The following GTF3C3 variants were observed in gnomAD, a reference collection of about 807,000 sequenced individuals.
GTF3C3 encodes general transcription factor IIIC subunit 3.
A neutral mutation model predicts 105.2 loss-of-function variants in GTF3C3; 75 were observed. The observed-to-expected ratio is 0.71, with a 90% confidence interval of 0.59 to 0.86. The LOEUF (loss-of-function observed/expected upper bound fraction) is 0.86. GTF3C3 is among the 40% of genes least tolerant of loss of function. GTF3C3 has a pLI of 0.00. For synonymous variants in GTF3C3, 335 were observed against 370.4 expected (o/e 0.90, Z 1.10); for missense variants, 856 against 1,076.5 (o/e 0.80, Z 2.87).
Position 196,773,026 on chromosome 2 carries a change from C to T in GTF3C3, c.1959G>A (p.Leu653=), listed in dbSNP as rs1331485558. 6.2e-7 allele frequency: 1 copy of T among 1,611,732 alleles called. No homozygotes were observed. Among genetic ancestry groups the T allele is most frequent in the Non-Finnish European group, 8.5e-7 (1 of 1,178,148 alleles). Residue 653 remains leucine (L), a synonymous_variant, in exon 14 of 18, where the codon TTG becomes TTA. Coordinates refer to ENST00000263956, the MANE Select transcript of GTF3C3 (RefSeq NM_012086.5). ...QEAELLVDSS[L]EYYSFYDDRQ... Reference sequence around the variant, plus strand: ...TGTCATCATAAAATGAGTAATATTCCAATGAGGAATCTACAAGCAACTCAG... The same window carrying T: ...TGTCATCATAAAATGAGTAATATTCTAATGAGGAATCTACAAGCAACTCAG...
intron 16 of GTF3C3, among the ~76,000 whole-genome samples, chr2:196,769,329 T>C (rs1039231883): frequency 6.6e-6 from 1 of 152,208 alleles, no homozygotes; most frequent in African/African-American, 2.4e-5. Flanking sequence ...CTATACCATA[T>C]CATATTTTGG....
rs151048249 is a variant in GTF3C3, at chr2:196,764,557, G to T, written c.*6C>A. ...CTGCCATTGCTCTGTTCTCAGTTGC[G>T]GTGCTTTATATAGAACAATAGGTAT... On this transcript the variant is annotated 3_prime_UTR_variant, in exon 18 of 18. Transcript: ENST00000263956. 13 of 1,611,228 alleles carry T rather than the reference G, an allele frequency of 8.1e-6. No individual in the cohort carries two copies. The South Asian group carries it at 1.4e-4, about 18-fold the overall frequency.
chr2:196,779,396 T>C (rs952911082), intron 9 of GTF3C3, among the ~76,000 whole-genome samples: 4 of 152,176 alleles, frequency 2.6e-5, no homozygotes, highest in East Asian at 1.9e-4. Context: ...CCAAAGTCTA[T>C]AGCTCTCTTT....
chr2:196,787,621 T>G (rs532804768), intron 6 of GTF3C3, among the ~76,000 whole-genome samples: 1 of 152,310 alleles, frequency 6.6e-6, no homozygotes, highest in East Asian at 1.9e-4. Flanking sequence ...CAGTCTATCT[T>G]AAAATAACAC....
intron 6 of GTF3C3, among the ~76,000 whole-genome samples, chr2:196,788,390 G>A (rs972414022): frequency 2.0e-5 from 3 of 152,170 alleles, no homozygotes; most frequent in Non-Finnish European, 4.4e-5. Context: ...TTCCTACTTT[G>A]TTTTGCTGCG....
intron 17 of GTF3C3, among the ~76,000 whole-genome samples, chr2:196,765,850 A>C (rs540490269): frequency 3.9e-4 from 59 of 151,820 alleles, no homozygotes; most frequent in African/African-American, 9.9e-4. Context: ...CTCTACTAAA[A>C]ATACAAAAAA....
intron 1 of GTF3C3, 51 bp downstream of exon 1, chr2:196,799,459 G>A (rs1056670133): frequency 7.3e-7 from 1 of 1,361,922 alleles, no homozygotes; most frequent in African/African-American, 1.4e-5. Context: ...CCACACCTAA[G>A]GGTATGAAGG....
chr2:196,792,486 C>T (rs994585396), intron 3 of GTF3C3, among the ~76,000 whole-genome samples: 1 of 152,120 alleles, frequency 6.6e-6, no homozygotes, highest in African/African-American at 2.4e-5. Context: ...ATAGCAAAAG[C>T]GCAGTCCATT....
intron 14 of GTF3C3, 84 bp downstream of exon 14, chr2:196,772,832 C>T (rs1251880554): frequency 8.3e-6 from 6 of 720,324 alleles, no homozygotes; most frequent in Non-Finnish European, 1.2e-5. Context: ...AATGGGAGAG[C>T]CAAAAGTAAA....
Position 196,793,683 on chromosome 2 carries a change from AGT to A in GTF3C3, c.215-533_215-532del, listed in dbSNP as rs200014271. Among the ~76,000 whole-genome samples the A allele has an allele frequency of 1.2e-3, 190 of 152,016 alleles. 1 individual carries two copies. The highest frequency in any genetic ancestry group is 4.3e-3 in the African/African-American group (177 of 41,504). ...CTACTCTGAGGACAAAATGAGTGTGAGTGTGTGTGTGTATATATACACTTAGA... is the reference window on the plus strand; with the variant it reads ...CTACTCTGAGGACAAAATGAGTGTGAGTGTGTGTGTATATATACACTTAGA... On this transcript the variant is annotated intron_variant, in intron 2 of 17. Transcript: ENST00000263956.
chr2:196,781,355 AAAATATATATATATAT>A (rs1306553224), intron 8 of GTF3C3, among the ~76,000 whole-genome samples: 3 of 31,186 alleles, frequency 9.6e-5, no homozygotes, highest in Non-Finnish European at 2.2e-4. Context: ...AAAAAAAAAA[AAAATATATATATATAT>A]ATATATATAT....
chr2:196,770,122 T>G (rs1699146411), intron 15 of GTF3C3, 83 bp from the exon 16 acceptor site: 1 of 1,209,116 alleles, frequency 8.3e-7, no homozygotes, highest in Non-Finnish European at 1.1e-6. Context: ...CAAACATTAC[T>G]GATTTTAACA....
intron 8 of GTF3C3, among the ~76,000 whole-genome samples, chr2:196,784,222 G>A (rs910461329): frequency 6.6e-6 from 1 of 152,122 alleles, no homozygotes; most frequent in Non-Finnish European, 1.5e-5. Context: ...TCCTCACAGT[G>A]TAGGGGTTGA....
intron 2 of GTF3C3, among the ~76,000 whole-genome samples, chr2:196,797,323 G>T (rs1699664278): frequency 6.6e-6 from 1 of 152,204 alleles, no homozygotes; most frequent in African/African-American, 2.4e-5. Context: ...CTGGATGCTA[G>T]AATGAGGTAG....
intron 5 of GTF3C3, among the ~76,000 whole-genome samples, 161 bp downstream of exon 5, chr2:196,789,718 C>G (rs546472954): frequency 1.8e-4 from 28 of 152,218 alleles, no homozygotes; most frequent in African/African-American, 6.5e-4. Flanking sequence ...CCCTGATAAA[C>G]ATGAGAACAG....
intron 8 of GTF3C3, among the ~76,000 whole-genome samples, chr2:196,781,470 CAGA>C (rs927019864): frequency 6.9e-6 from 1 of 145,358 alleles, no homozygotes; most frequent in Non-Finnish European, 1.5e-5. Context: ...TAGGTTGGTG[CAGA>C]AGTAATTGTG....
intron 13 of GTF3C3, among the ~76,000 whole-genome samples, chr2:196,774,263 C>T (rs1699225306): frequency 6.6e-6 from 1 of 152,254 alleles, no homozygotes; most frequent in Middle Eastern, 3.4e-3. Flanking sequence ...TACTACATTA[C>T]TGCTTATAAA....
rs1386636662 is a variant in GTF3C3, at chr2:196,786,489, T to C, written c.894-901A>G. ...CACATCTACCTACTTACCAGTATCTTTGGCCATATCATCTGCCTTCCCCTT... is the reference window on the plus strand; with the variant it reads ...CACATCTACCTACTTACCAGTATCTCTGGCCATATCATCTGCCTTCCCCTT... On this transcript the variant is annotated intron_variant, in intron 6 of 17. Coordinates refer to ENST00000263956, the MANE Select transcript of GTF3C3 (RefSeq NM_012086.5). This position sits in a 1 kb window ranked among gnomAD's most constrained non-coding sequence, Gnocchi z 4.2. Among the ~76,000 whole-genome samples the C allele has an allele frequency of 6.6e-6, 1 of 152,200 alleles. No homozygotes were observed. Among genetic ancestry groups the C allele is most frequent in the Non-Finnish European group, 1.5e-5 (1 of 68,030 alleles).
chr2:196,785,978 CCT>C (rs1199370356), intron 6 of GTF3C3, among the ~76,000 whole-genome samples: 1 of 152,094 alleles, frequency 6.6e-6, no homozygotes, highest in Non-Finnish European at 1.5e-5. Context: ...TTGCATACAT[CCT>C]CAGTTCTCTT....
Sources: allele counts gnomAD v4.1 joint callset (sites outside exome capture counted in the v4.1 genomes callset), GRCh38; gene constraint gnomAD v4.1.1; non-coding constraint Gnocchi (gnomAD v3.1); transcripts MANE v1.5; gene names NCBI Gene and HGNC (gene_info 2026-07-23, HGNC 2026-07-21).